The following ZNF138 variants were observed in gnomAD, a reference collection of about 807,000 sequenced individuals.
ZNF138 encodes zinc finger protein 138 (clone pHZ-32).
ZNF138 carries 33 observed loss-of-function variants against 33.0 expected under a neutral mutation model. That is an observed-to-expected ratio of 1.00 (90% CI 0.76 to 1.34). ZNF138 has a LOEUF of 1.34. Ranked by LOEUF, ZNF138 falls within the 40% of genes most tolerant of loss-of-function variation. ZNF138 has a pLI of 0.00. For synonymous variants in ZNF138, 139 were observed against 120.4 expected (o/e 1.15, Z -1.01); for missense variants, 360 against 370.8 (o/e 0.97, Z 0.24).
chr7:64,823,584 C>A (rs1789341458), intron 3 of ZNF138, among the ~76,000 whole-genome samples: 1 of 152,188 alleles, frequency 6.6e-6, no homozygotes, highest in African/African-American at 2.4e-5. Context: ...ATCCTCCCAC[C>A]TTGGTCCCCC....
chr7:64,843,887 T>C, the ZNF138 span, among the ~76,000 whole-genome samples: 139,821 of 151,948 alleles, frequency 0.92, 65,448 homozygotes, highest in Non-Finnish European at 1. Flanking sequence ...TGCAGTGGTG[T>C]GACCTTGGCT....
chr7:64,853,027 G>A, the ZNF138 span: 3 of 1,493,146 alleles, frequency 2.0e-6, no homozygotes, highest in Non-Finnish European at 2.8e-6. Flanking sequence ...CCATTGCGTA[G>A]AGGTCACTGA....
chr7:64,823,875 T>C (rs1583871543), intron 3 of ZNF138, among the ~76,000 whole-genome samples: 1 of 152,080 alleles, frequency 6.6e-6, no homozygotes, highest in Non-Finnish European at 1.5e-5. Context: ...GAAGCAGAGG[T>C]TGCAGTGAGC....
At chr7:64,860,654 A>T in the ZNF138 span, among the ~76,000 whole-genome samples, 1 of 152,224 alleles carries the variant, frequency 6.6e-6, no homozygotes, top group Admixed American at 6.5e-5. Flanking sequence ...CCAGACAATT[A>T]TTTTAAATGG....
chr7:64,848,220 T>C, the ZNF138 span, among the ~76,000 whole-genome samples: 3 of 152,198 alleles, frequency 2.0e-5, no homozygotes, highest in African/African-American at 7.2e-5. Flanking sequence ...AAATCTGCTC[T>C]TAATCTGATA....
At chr7:64,837,277 A>G (rs1158820801), downstream of ZNF138, among the ~76,000 whole-genome samples, 3 of 152,136 alleles carry the variant, frequency 2.0e-5, no homozygotes, top group African/African-American at 7.2e-5. Flanking sequence ...AAGAATTACC[A>G]TGTAGGGGCC....
chr7:64,840,583 C>G, the ZNF138 span, among the ~76,000 whole-genome samples: 9,484 of 151,994 alleles, frequency 0.062, 335 homozygotes, highest in East Asian at 0.14. Context: ...GATTACTAAC[C>G]CATTCTACAC....
intron 3 of ZNF138, 21 bp from the exon 4 acceptor site, chr7:64,831,430 G>A: frequency 6.6e-7 from 1 of 1,512,470 alleles, no homozygotes; most frequent in Non-Finnish European, 8.8e-7. Context: ...GGAGTAATTT[G>A]TTATTTTTTG....
chr7:64,815,622 G>A lies in ZNF138; in HGVS notation c.177G>A (p.Lys59=), dbSNP rs1583840477. Residue 59 remains lysine (K), a synonymous_variant, in exon 3 of 4, where the codon AAG becomes AAA. Transcript: ENST00000307355. ...AAGGAAAAGAGCCCTGGAATATGAA[G>A]AGACATGAGATGGTGGTAGCCAAAC... ...LEQGKEPWNM[K]RHEMVVAKHS... 6.2e-7 allele frequency: 1 copy of A among 1,612,610 alleles called. No homozygotes were observed. The highest frequency in any genetic ancestry group is 8.5e-7 in the Non-Finnish European group (1 of 1,179,256).
intron 3 of ZNF138, among the ~76,000 whole-genome samples, chr7:64,828,179 C>T (rs555380361): frequency 1.2e-4 from 1 of 8,096 alleles, no homozygotes; most frequent in Non-Finnish European, 4.9e-4. Context: ...TATCATAATT[C>T]TGGTTTTTTT....
chr7:64,833,164 C>G lies in ZNF138; in HGVS notation c.*962C>G. 1 of 242,856 alleles carries G rather than the reference C, an allele frequency of 4.1e-6. No individual in the cohort carries two copies. Among genetic ancestry groups the G allele is most frequent in the East Asian group, 9.6e-5 (1 of 10,374 alleles). 15.0% of individuals were successfully genotyped at this position (242,856 alleles called of 1,614,324 possible). ...AAATTCATGCAGGAGAGAAACACCACAAATGTGAAAAATTTGGTAAATTCT... is the reference window on the plus strand; with the variant it reads ...AAATTCATGCAGGAGAGAAACACCAGAAATGTGAAAAATTTGGTAAATTCT... On this transcript the variant is annotated 3_prime_UTR_variant, in exon 4 of 4. Coordinates refer to ENST00000307355, the MANE Select transcript of ZNF138 (RefSeq NM_001271639.2).
the ZNF138 span, among the ~76,000 whole-genome samples, chr7:64,854,563 G>T: frequency 3.1e-3 from 468 of 152,314 alleles, 2 homozygotes; most frequent in Non-Finnish European, 4.4e-3. Flanking sequence ...TTGCTTGAAT[G>T]CATGAACATT....
In ZNF138 at chr7:64,794,554, C is replaced by G. The variant is rs746620466; in HGVS notation, c.-15C>G. ...ATTCACAGCTAAGACGCCAGGATCCCCCGGAAGCCTAGAAATGGTGAGAGT... is the reference window on the plus strand; with the variant it reads ...ATTCACAGCTAAGACGCCAGGATCCGCCGGAAGCCTAGAAATGGTGAGAGT... On this transcript the variant is annotated 5_prime_UTR_variant, in exon 1 of 4. Coordinates refer to ENST00000307355, the MANE Select transcript of ZNF138 (RefSeq NM_001271639.2). The G allele has an allele frequency of 6.2e-7, 1 of 1,613,500 alleles. No homozygotes were observed. Among genetic ancestry groups the G allele is most frequent in the Non-Finnish European group, 8.5e-7 (1 of 1,179,620 alleles).
At chr7:64,802,983 CT>C (rs1404013660) in intron 1 of ZNF138, among the ~76,000 whole-genome samples, 2 of 152,042 alleles carry the variant, frequency 1.3e-5, no homozygotes, top group African/African-American at 2.4e-5. Flanking sequence ...CCCTACCCCC[CT>C]CTTACATAAC....
the ZNF138 span, among the ~76,000 whole-genome samples, chr7:64,844,547 G>A: frequency 6.6e-6 from 1 of 151,994 alleles, no homozygotes; most frequent in African/African-American, 2.4e-5. Flanking sequence ...TCCGCAAAAT[G>A]AGAAAGGTGA....
the ZNF138 span, among the ~76,000 whole-genome samples, chr7:64,860,032 G>GAAGTTC: frequency 6.6e-6 from 1 of 152,166 alleles, no homozygotes; most frequent in Non-Finnish European, 1.5e-5. Context: ...AGCTACTCAG[G>GAAGTTC]AAGCTGAGAC....
intron 1 of ZNF138, among the ~76,000 whole-genome samples, chr7:64,808,121 G>C (rs1787759797): frequency 6.6e-6 from 1 of 152,158 alleles, no homozygotes. Flanking sequence ...AGGCATCTCT[G>C]AGACATTTGA....
rs1788797671 is a variant in ZNF138, at chr7:64,817,966, T to G, written c.208+2313T>G. On this transcript the variant is annotated intron_variant, in intron 3 of 3. Transcript: ENST00000307355. ...TCACTTACTTTCTTCAGCCTGTATC[T>G]TAATAATAACATTATTTATTATTAT... 2.0e-5 allele frequency among the ~76,000 whole-genome samples: 3 copies of G among 150,776 alleles called. No homozygotes were observed. The Admixed American group carries it at 2.0e-4, about 10-fold the overall frequency.
chr7:64,849,862 C>T, the ZNF138 span, among the ~76,000 whole-genome samples: 2 of 152,144 alleles, frequency 1.3e-5, no homozygotes, highest in Non-Finnish European at 2.9e-5. Flanking sequence ...TAAGAACTTG[C>T]CCCTGGCTAC....
Sources: allele counts gnomAD v4.1 joint callset (sites outside exome capture counted in the v4.1 genomes callset), GRCh38; gene constraint gnomAD v4.1.1; transcripts MANE v1.5; gene names NCBI Gene and HGNC (gene_info 2026-07-23, HGNC 2026-07-21).